KCNC4: variants seen among roughly 807,000 people sequenced by gnomAD.
KCNC4 encodes the protein voltage-gated potassium channel KCNC4.
In KCNC4, 23 loss-of-function variants were observed where a neutral mutation model predicts 42.8. The observed-to-expected ratio is 0.54, with a 90% confidence interval of 0.39 to 0.76. KCNC4 has a LOEUF of 0.76. Among genes scored for constraint, KCNC4 ranks in the 30% least tolerant of loss-of-function variants. The pLI is 0.00. For synonymous variants in KCNC4, 422 were observed against 393.5 expected (o/e 1.07, Z -0.86); for missense variants, 751 against 898.2 (o/e 0.84, Z 2.10).
At position 110,211,435 on chromosome 1, in the gene KCNC4, GCCT is replaced by G; in HGVS notation, c.-60_-58del. 6.6e-7 allele frequency: 1 copy of G among 1,519,534 alleles called. No individual in the cohort carries two copies. Among genetic ancestry groups the G allele is most frequent in the Non-Finnish European group, 8.8e-7 (1 of 1,130,338 alleles). 94.1% of individuals were successfully genotyped at this position (1,519,534 alleles called of 1,614,324 possible). ...TCCTCCCCCTCCCCCGTCTGACGCT[GCCT>G]CCTCGGGAAGGGTGTTTGGAGGGCA... is the stretch of plus-strand genomic sequence containing the variant. On this transcript the variant is annotated 5_prime_UTR_variant, in exon 1 of 4. Coordinates refer to ENST00000438661, the MANE Select transcript of KCNC4 (RefSeq NM_001039574.3). The surrounding 1 kb of genome is among the most constrained non-coding windows in gnomAD (Gnocchi z 6.5).
At chr1:110,217,099 A>G (rs1657839871) in intron 1 of KCNC4, among the ~76,000 whole-genome samples, 1 of 152,206 alleles carries the variant, frequency 6.6e-6, no homozygotes, top group Non-Finnish European at 1.5e-5. Flanking sequence ...AGAGGGGGCC[A>G]TGCTCCTGAC....
At chr1:110,274,621 G>A (rs1659686104) in intron 1 of KCNC4, among the ~76,000 whole-genome samples, 2 of 151,904 alleles carry the variant, frequency 1.3e-5, no homozygotes, top group African/African-American at 4.8e-5. Context: ...TATACTACTG[G>A]GCTATAGCAA....
intron 1 of KCNC4, chr1:110,221,819 G>T (rs1283260784): frequency 6.6e-6 from 1 of 152,260 alleles, no homozygotes; most frequent in Admixed American, 6.5e-5. Flanking sequence ...CAGGACAGGC[G>T]GCAGCAGGAG....
chr1:110,282,343 G>A (rs1010537038), intron 1 of KCNC4, among the ~76,000 whole-genome samples: 4 of 152,184 alleles, frequency 2.6e-5, no homozygotes, highest in Non-Finnish European at 5.9e-5. Context: ...CTGTGTCCTT[G>A]AAAATCTAAC....
chr1:110,248,639 C>G (rs1659198808), exon 4 of KCNC4: 1 of 152,178 alleles, frequency 6.6e-6, no homozygotes, highest in African/African-American at 2.4e-5. Flanking sequence ...TTTCCCTTGT[C>G]AGTTAATGAG....
At chr1:110,243,323 C>T (rs1169605429) in exon 4 of KCNC4, 1 of 152,278 alleles carries the variant, frequency 6.6e-6, no homozygotes, top group African/African-American at 2.4e-5. Context: ...CCATTTCCGC[C>T]TTAGCGACCC....
chr1:110,242,257 G>T (rs373075200), exon 4 of KCNC4: 7,286 of 152,214 alleles, frequency 0.048, 598 homozygotes, highest in African/African-American at 0.17. Flanking sequence ...GGAACAGCGG[G>T]GGGGGCTATA....
chr1:110,259,154 A>G (rs1217291990), intron 1 of KCNC4, among the ~76,000 whole-genome samples: 2 of 152,212 alleles, frequency 1.3e-5, no homozygotes, highest in Non-Finnish European at 2.9e-5. Flanking sequence ...AGTAAGCCAA[A>G]GGCTGGGCCC....
chr1:110,279,842 G>A (rs1274611410), intron 1 of KCNC4, among the ~76,000 whole-genome samples: 5 of 131,958 alleles, frequency 3.8e-5, no homozygotes, highest in Middle Eastern at 4.2e-3. Context: ...TCTGTTGCCC[G>A]GGCTGGAGTG....
Position 110,211,688 on chromosome 1 carries a change from C to G in KCNC4, c.189C>G (p.Ala63=), listed in dbSNP as rs1411069197. ...GCACCCTACCGGGAACCCGCCTCGC[C>G]TGGCTGGCCGACCCCGACGGCGGGG... The part of the protein sequence containing the change: ...TLRTLPGTRL[A]WLADPDGGGR... The change falls in exon 1 of 4, where the codon GCC becomes GCG. Residue 63 remains alanine, a synonymous_variant. Transcript: ENST00000438661. This position sits in a 1 kb window ranked among gnomAD's most constrained non-coding sequence, Gnocchi z 6.5. The G allele has an allele frequency of 6.2e-7, 1 of 1,611,168 alleles. No individual in the cohort carries two copies. The highest frequency in any genetic ancestry group is 8.5e-7 in the Non-Finnish European group (1 of 1,178,814).
intron 1 of KCNC4, among the ~76,000 whole-genome samples, chr1:110,279,506 C>A (rs192255861): frequency 2.0e-5 from 3 of 152,202 alleles, no homozygotes; most frequent in African/African-American, 7.2e-5. Context: ...GCACACTCCC[C>A]ACCTGACTCC....
At chr1:110,277,763 A>G (rs1659750611) in intron 1 of KCNC4, among the ~76,000 whole-genome samples, 1 of 152,252 alleles carries the variant, frequency 6.6e-6, no homozygotes, top group Non-Finnish European at 1.5e-5. Context: ...GGTTTTATAT[A>G]GCTGTGCAAA....
chr1:110,214,740 G>A (rs1657682372), intron 1 of KCNC4, among the ~76,000 whole-genome samples: 1 of 152,182 alleles, frequency 6.6e-6, no homozygotes, highest in African/African-American at 2.4e-5. Flanking sequence ...GGCTGTTTTT[G>A]AGGCAGAGAG....
At chr1:110,243,624 A>C (rs1418803706) in exon 4 of KCNC4, 1 of 153,346 alleles carries the variant, frequency 6.5e-6, no homozygotes, top group Non-Finnish European at 1.5e-5. Flanking sequence ...GAAGATGAAG[A>C]GGAGGAAGAG....
downstream of KCNC4, chr1:110,236,796 C>G (rs1262995442): frequency 6.6e-6 from 1 of 152,176 alleles, no homozygotes; most frequent in Admixed American, 6.5e-5. Context: ...CTGATCCCAA[C>G]TACCAGGTGT....
chr1:110,271,722 A>G (rs1259746794), intron 1 of KCNC4, among the ~76,000 whole-genome samples: 1 of 151,780 alleles, frequency 6.6e-6, no homozygotes, highest in East Asian at 1.9e-4. Flanking sequence ...GAAGCAAACA[A>G]TCATGTGGGG....
intron 1 of KCNC4, among the ~76,000 whole-genome samples, chr1:110,215,098 C>T (rs529563589): frequency 6.6e-6 from 1 of 152,380 alleles, no homozygotes; most frequent in East Asian, 1.9e-4. Flanking sequence ...GGCGTCCTTT[C>T]GCACACAGCA....
chr1:110,267,137 G>A (rs1027566353), intron 1 of KCNC4, among the ~76,000 whole-genome samples: 2 of 152,188 alleles, frequency 1.3e-5, no homozygotes, highest in Admixed American at 6.5e-5. Context: ...TGTAGGGTGG[G>A]CTTTGCTGGG....
At chr1:110,256,788 C>A in intron 1 of KCNC4, 1 of 155,948 alleles carries the variant, frequency 6.4e-6, no homozygotes, top group South Asian at 1.7e-4. Flanking sequence ...CTGTTGCAGT[C>A]CAACTGTGTG....
Sources: allele counts gnomAD v4.1 joint callset (sites outside exome capture counted in the v4.1 genomes callset), GRCh38; gene constraint gnomAD v4.1.1; non-coding constraint Gnocchi (gnomAD v3.1); transcripts MANE v1.5; gene names NCBI Gene and HGNC (gene_info 2026-07-23, HGNC 2026-07-21).